DSCAM: variants seen among roughly 807,000 people sequenced by gnomAD.
DSCAM encodes DS cell adhesion molecule, also known as cell adhesion molecule DSCAM.
DSCAM carries 47 observed loss-of-function variants against 217.7 expected under a neutral mutation model. The observed-to-expected ratio is 0.22, with a 90% CI of 0.17 to 0.28. The LOEUF (loss-of-function observed/expected upper bound fraction) is 0.28, where lower values mean the gene tolerates loss of function less well. Ranked by LOEUF, DSCAM falls within the 10% of genes least tolerant of loss-of-function variation. The pLI, the probability that DSCAM is intolerant of heterozygous loss-of-function variation, is 1.00. For synonymous variants in DSCAM, 1,056 were observed against 1,015.3 expected (o/e 1.04, Z -0.76); for missense variants, 2,080 against 2,618.3 (o/e 0.79, Z 4.49).
At chr21:40,389,352 G>C (rs561896333) in intron 3 of DSCAM, among the ~76,000 whole-genome samples, 75 of 152,166 alleles carry the variant, frequency 4.9e-4, no homozygotes, top group South Asian at 2.1e-3. Flanking sequence ...ACAAAAAAGA[G>C]GACCGTTAAA....
rs369975388 is a variant in DSCAM at position 40,524,852 on chromosome 21, A to C, written c.509-155607T>G. Among the ~76,000 whole-genome samples, 36 of 152,034 alleles carry C rather than the reference A, an allele frequency of 2.4e-4. No individual in the cohort carries two copies. In the East Asian group the frequency reaches 6.6e-3, roughly 28 times the overall value. ...GGTGAAACCCTGTCTCTACTAAAAA[A>C]TACAAAAATTAGCCAGGCGTGGTGG... On this transcript the variant is annotated intron_variant, in intron 3 of 32. Transcript: ENST00000400454.
At chr21:40,552,170 C>T (rs540676915) in intron 3 of DSCAM, among the ~76,000 whole-genome samples, 62 of 152,074 alleles carry the variant, frequency 4.1e-4, no homozygotes, top group East Asian at 4.1e-3. Flanking sequence ...AAAAATTAGC[C>T]AGGCATGGTG....
chr21:40,353,381 C>A (rs755386171), intron 5 of DSCAM, 84 bp downstream of exon 5: 2 of 1,552,986 alleles, frequency 1.3e-6, no homozygotes, highest in African/African-American at 2.8e-5. Flanking sequence ...TGGAAAGCTA[C>A]AGAGAAAACA....
At chr21:40,411,173 T>TACACACAC (rs1491582508) in intron 3 of DSCAM, among the ~76,000 whole-genome samples, 1 of 134,788 alleles carries the variant, frequency 7.4e-6, no homozygotes, top group Non-Finnish European at 1.5e-5. Flanking sequence ...ACAGTAATTA[T>TACACACAC]ATACACACAC....
At chr21:40,771,504 G>T (rs184169403) in intron 1 of DSCAM, among the ~76,000 whole-genome samples, 3 of 152,270 alleles carry the variant, frequency 2.0e-5, no homozygotes, top group African/African-American at 7.2e-5. Context: ...TCTCCTCTCC[G>T]CACCTACACG....
At chr21:40,258,908 T>A (rs1441454470) in intron 11 of DSCAM, among the ~76,000 whole-genome samples, 1 of 152,124 alleles carries the variant, frequency 6.6e-6, no homozygotes, top group Non-Finnish European at 1.5e-5. Flanking sequence ...CCTCAGGTTA[T>A]AAACGACCCT....
intron 1 of DSCAM, among the ~76,000 whole-genome samples, chr21:40,798,656 G>A (rs751587817): frequency 4.6e-5 from 7 of 152,018 alleles, no homozygotes; most frequent in Admixed American, 2.0e-4. Context: ...ATGGAAGAAC[G>A]TCTACTGATG....
chr21:40,358,090 G>C (rs543737116), intron 4 of DSCAM, among the ~76,000 whole-genome samples: 62 of 152,250 alleles, frequency 4.1e-4, no homozygotes, highest in African/African-American at 1.4e-3. Flanking sequence ...AAACACCACA[G>C]TGTGCACCTC....
rs370932931 is a variant in DSCAM, at chr21:40,334,469, T to C, written c.1783+3632A>G. ...CCAACCACTAGGAAAACCGACTGAA[T>C]AGACCTTCGAAATAGATCCGGAGTC... On this transcript the variant is annotated intron_variant, in intron 8 of 32. Transcript: ENST00000400454. Among the ~76,000 whole-genome samples, 4 of 152,274 alleles carry C rather than the reference T, an allele frequency of 2.6e-5. No individual in the cohort carries two copies. In the East Asian group the frequency reaches 5.8e-4, roughly 22 times the overall value.
Position 40,120,221 on chromosome 21 carries a change from CATT to C in DSCAM, c.3696+3971_3696+3973del, listed in dbSNP as rs912136654. ...CCTACTATGTACAGGAACTGAATAA[CATT>C]ATCATCTGAAGCTGGAATAACCAAT... is the stretch of plus-strand genomic sequence containing the variant. On this transcript the variant is annotated intron_variant, in intron 20 of 32. Coordinates refer to ENST00000400454, the MANE Select transcript of DSCAM (RefSeq NM_001389.5). 5.1e-4 allele frequency among the ~76,000 whole-genome samples: 78 copies of C among 152,336 alleles called. 1 individual carries two copies. The highest frequency in any genetic ancestry group is 1.8e-3 in the African/African-American group (76 of 41,578).
chr21:40,529,961 G>A (rs537208415), intron 3 of DSCAM, among the ~76,000 whole-genome samples: 2 of 152,290 alleles, frequency 1.3e-5, no homozygotes, highest in South Asian at 4.1e-4. Context: ...ATACTTTGGA[G>A]AAACAATTTC....
In DSCAM at chr21:40,309,021, T is replaced by G. The variant is rs1371738610; in HGVS notation, c.2062+3060A>C. Among the ~76,000 whole-genome samples the G allele has an allele frequency of 3.3e-5, 5 of 152,260 alleles. No individual in the cohort carries two copies. In the East Asian group the frequency reaches 9.6e-4, roughly 29 times the overall value. ...CTTTGATCCTGTAATAATCTCCTCTTTATCTTGACACATATTTTTTTCCTC... is the reference window on the plus strand; with the variant it reads ...CTTTGATCCTGTAATAATCTCCTCTGTATCTTGACACATATTTTTTTCCTC... On this transcript the variant is annotated intron_variant, in intron 9 of 32. Coordinates refer to ENST00000400454, the MANE Select transcript of DSCAM (RefSeq NM_001389.5).
At position 40,296,058 on chromosome 21, in the gene DSCAM, T is replaced by C. The variant is rs2073950627; in HGVS notation, c.2179A>G (p.Lys727Glu). 1 of 1,613,598 alleles carries C rather than the reference T, an allele frequency of 6.2e-7. No homozygotes were observed. The highest frequency in any genetic ancestry group is 8.5e-7 in the Non-Finnish European group (1 of 1,179,794). Residue 727 changes from lysine to glutamate, a missense_variant, in exon 10 of 33, where the codon AAA (lysine) becomes GAA (glutamate). Lys to Glu is a moderately conservative substitution (Grantham distance 56, BLOSUM62 1). Coordinates refer to ENST00000400454, the MANE Select transcript of DSCAM (RefSeq NM_001389.5). ...AGTAGATCAAGTAACTCCATACCTT[T>C]AGAGAATTTCCACACGATGGTAGGT... is the stretch of plus-strand genomic sequence containing the variant. The part of the protein sequence containing the change: ...PVPTIVWKFS[K>E]GAGVPQFQPI...
intron 1 of DSCAM, among the ~76,000 whole-genome samples, chr21:40,778,115 A>G (rs933759371): frequency 3.9e-5 from 6 of 152,210 alleles, no homozygotes; most frequent in Non-Finnish European, 8.8e-5. Flanking sequence ...GTATGCCACA[A>G]AGAAACCTGA....
intron 20 of DSCAM, among the ~76,000 whole-genome samples, chr21:40,122,574 G>A (rs1460282226): frequency 1.3e-5 from 2 of 152,180 alleles, no homozygotes; most frequent in Non-Finnish European, 2.9e-5. Flanking sequence ...TGGGCATTGA[G>A]GGCACAATGG....
chr21:40,320,939 AAGAT>A (rs1465668829), intron 8 of DSCAM, among the ~76,000 whole-genome samples: 1 of 152,224 alleles, frequency 6.6e-6, no homozygotes, highest in Non-Finnish European at 1.5e-5. Flanking sequence ...AAATGTCTAA[AAGAT>A]AGATAAGTAC....
At chr21:40,196,910 A>G (rs569298820) in intron 11 of DSCAM, among the ~76,000 whole-genome samples, 164 of 152,362 alleles carry the variant, frequency 1.1e-3, no homozygotes, top group African/African-American at 3.7e-3. Flanking sequence ...TTATGCTATA[A>G]ATAGAAGTGA....
intron 18 of DSCAM, among the ~76,000 whole-genome samples, chr21:40,139,092 G>A (rs2090255475): frequency 7.0e-6 from 1 of 142,078 alleles, no homozygotes; most frequent in Non-Finnish European, 1.5e-5. Flanking sequence ...GAGTATGTGG[G>A]ATGTGTGGTG....
intron 11 of DSCAM, among the ~76,000 whole-genome samples, chr21:40,248,192 C>A (rs531638220): frequency 1.7e-3 from 260 of 152,278 alleles, no homozygotes; most frequent in Non-Finnish European, 3.1e-3. Context: ...GCTATGAAGA[C>A]CTCTGACATG....
Sources: allele counts gnomAD v4.1 joint callset (sites outside exome capture counted in the v4.1 genomes callset), GRCh38; gene constraint gnomAD v4.1.1; transcripts MANE v1.5; gene names NCBI Gene and HGNC (gene_info 2026-07-23, HGNC 2026-07-21).